MAGI1: variants seen among roughly 807,000 people sequenced by gnomAD.
MAGI1 encodes membrane associated guanylate kinase, WW and PDZ domain containing 1.
Under a neutral mutation model 139.9 loss-of-function variants are expected in MAGI1, and 58 were observed. The ratio of observed to expected loss-of-function variants is 0.41; its 90% CI spans 0.34 to 0.52. The LOEUF (loss-of-function observed/expected upper bound fraction) is 0.52, where lower values mean the gene tolerates loss of function less well. Among genes scored for constraint, MAGI1 ranks in the 20% least tolerant of loss-of-function variants. The pLI, the probability that MAGI1 is intolerant of heterozygous loss-of-function variation, is 0.12. For synonymous variants in MAGI1, 812 were observed against 737.9 expected (o/e 1.10, Z -1.63); for missense variants, 1,874 against 1,901.6 (o/e 0.99, Z 0.27).
chr3:65,407,643 T>G (rs1575638741), intron 12 of MAGI1, among the ~76,000 whole-genome samples: 1 of 152,190 alleles, frequency 6.6e-6, no homozygotes, highest in East Asian at 1.9e-4. Context: ...ATATATAAAC[T>G]CATTGTTAAA....
At chr3:65,871,417 C>T (rs566612640) in intron 1 of MAGI1, among the ~76,000 whole-genome samples, 3 of 152,252 alleles carry the variant, frequency 2.0e-5, no homozygotes, top group Non-Finnish European at 2.9e-5. Context: ...ATTGGGACAG[C>T]GTGACTGCAG....
intron 1 of MAGI1, among the ~76,000 whole-genome samples, chr3:66,019,665 A>C (rs1217079801): frequency 2.0e-5 from 3 of 152,226 alleles, no homozygotes; most frequent in Non-Finnish European, 4.4e-5. Flanking sequence ...ACAAGAGCTC[A>C]GGTAACAAAT....
Position 65,359,535 on chromosome 3 carries a change from C to T in MAGI1, c.3634+1664G>A, listed in dbSNP as rs539858208. On this transcript the variant is annotated intron_variant, in intron 22 of 22. Coordinates refer to ENST00000402939, the MANE Select transcript of MAGI1 (RefSeq NM_001033057.2). ...CCCTTCCCACCCCCACCAAAGACCG[C>T]GGCAGTTAAATTAAGTACAAAAAAC... 32 of 1,009,022 alleles carry T rather than the reference C, an allele frequency of 3.2e-5. No homozygotes were observed. The East Asian group carries it at 1.2e-3, about 39-fold the overall frequency. The allele number at this position is 1,009,022 out of a possible 1,614,324, so 62.5% of individuals were successfully genotyped here. A position where few individuals can be genotyped will look rare whatever the true frequency, so the allele number is the denominator to read the frequency against.
chr3:65,582,318 C>T (rs538506842), intron 2 of MAGI1, among the ~76,000 whole-genome samples: 3 of 152,310 alleles, frequency 2.0e-5, no homozygotes, highest in African/African-American at 4.8e-5. Context: ...TTCTACCCAG[C>T]ACATAGGAAG....
intron 2 of MAGI1, among the ~76,000 whole-genome samples, chr3:65,583,889 C>T (rs56371044): frequency 0.58 from 88,430 of 151,828 alleles, 27,961 homozygotes; most frequent in East Asian, 0.9. Flanking sequence ...GAAGATGAGA[C>T]TGTGACCTCT....
At chr3:65,431,458 C>A (rs1947443845) in intron 10 of MAGI1, among the ~76,000 whole-genome samples, 1 of 152,092 alleles carries the variant, frequency 6.6e-6, no homozygotes, top group Non-Finnish European at 1.5e-5. Context: ...GAATTGAATT[C>A]TAAATTCAAC....
At chr3:65,736,948 C>T (rs1012385709) in intron 1 of MAGI1, among the ~76,000 whole-genome samples, 31 of 152,182 alleles carry the variant, frequency 2.0e-4, no homozygotes, top group African/African-American at 6.8e-4. Context: ...ACCACAAACA[C>T]CTTTGTGCCC....
Position 65,792,620 on chromosome 3 carries a change from G to T in MAGI1, c.314-170532C>A, listed in dbSNP as rs141473789. Among the ~76,000 whole-genome samples the T allele has an allele frequency of 2.5e-3, 386 of 151,950 alleles. 3 individuals are homozygous for T. The highest frequency in any genetic ancestry group is 8.8e-3 in the African/African-American group (365 of 41,438). ...AGGATTCCTTGAACATAAGCACTAGGATACTGTCCCACCTGATCTGATCAG... is the reference window on the plus strand; with the variant it reads ...AGGATTCCTTGAACATAAGCACTAGTATACTGTCCCACCTGATCTGATCAG... On this transcript the variant is annotated intron_variant, in intron 1 of 22. Coordinates refer to ENST00000402939, the MANE Select transcript of MAGI1 (RefSeq NM_001033057.2).
At chr3:65,385,838 A>G (rs999562031) in intron 14 of MAGI1, among the ~76,000 whole-genome samples, 2 of 152,212 alleles carry the variant, frequency 1.3e-5, no homozygotes, top group Non-Finnish European at 2.9e-5. Context: ...TAAGGTAACA[A>G]TATTTTCTTT....
At chr3:65,479,112 T>C (rs1230995607) in intron 3 of MAGI1, among the ~76,000 whole-genome samples, 1 of 152,214 alleles carries the variant, frequency 6.6e-6, no homozygotes, top group East Asian at 1.9e-4. Context: ...GTCATCTTTT[T>C]ACATATATGC....
Position 65,569,979 on chromosome 3 carries a change from CT to C in MAGI1, c.430+51992del, listed in dbSNP as rs1190879693. On this transcript the variant is annotated intron_variant, in intron 2 of 22. Coordinates refer to ENST00000402939, the MANE Select transcript of MAGI1 (RefSeq NM_001033057.2). Reference sequence around the variant, plus strand: ...CTTAGATGGGACAAGGCAAGGAGGACTTTGCAACATTAGAAAGATGAGAGGT... The same window carrying C: ...CTTAGATGGGACAAGGCAAGGAGGACTTGCAACATTAGAAAGATGAGAGGT... Among the ~76,000 whole-genome samples, 16 of 151,572 alleles carry C rather than the reference CT, an allele frequency of 1.1e-4. 1 individual carries two copies. The South Asian group carries it at 3.1e-3, about 30-fold the overall frequency.
At chr3:65,815,680 C>T (rs1256625048) in intron 1 of MAGI1, among the ~76,000 whole-genome samples, 8 of 151,984 alleles carry the variant, frequency 5.3e-5, no homozygotes, top group African/African-American at 2.4e-5. Flanking sequence ...TTGTCATATA[C>T]ATTTGAAATA....
chr3:65,396,361 T>C (rs559090687), intron 13 of MAGI1, among the ~76,000 whole-genome samples: 1 of 152,338 alleles, frequency 6.6e-6, no homozygotes, highest in South Asian at 2.1e-4. Flanking sequence ...TTTGGCCACA[T>C]GTTGGCCATG....
intron 1 of MAGI1, among the ~76,000 whole-genome samples, chr3:65,780,288 T>C (rs2038825825): frequency 6.6e-6 from 1 of 152,204 alleles, no homozygotes; most frequent in African/African-American, 2.4e-5. Flanking sequence ...TCTCCCAAAG[T>C]GCTGGGATTA....
intron 1 of MAGI1, among the ~76,000 whole-genome samples, chr3:65,984,256 T>G (rs2065751690): frequency 1.3e-5 from 2 of 152,292 alleles, no homozygotes; most frequent in South Asian, 4.1e-4. Context: ...ATTGTGCCAT[T>G]GCACTCCAGC....
At chr3:65,772,160 C>T (rs768696998) in intron 1 of MAGI1, among the ~76,000 whole-genome samples, 17 of 152,096 alleles carry the variant, frequency 1.1e-4, no homozygotes, top group Non-Finnish European at 2.4e-4. Context: ...CATGCCACTG[C>T]ACTCCAGCTT....
rs558989908 is a variant in MAGI1 at position 65,703,591 on chromosome 3, G to A, written c.314-81503C>T. Among the ~76,000 whole-genome samples, 253 of 152,254 alleles carry A rather than the reference G, an allele frequency of 1.7e-3. 1 individual carries two copies. Among genetic ancestry groups the A allele is most frequent in the Middle Eastern group, 6.8e-3 (2 of 294 alleles). On this transcript the variant is annotated intron_variant, in intron 1 of 22. Coordinates refer to ENST00000402939, the MANE Select transcript of MAGI1 (RefSeq NM_001033057.2). ...GCTGCCTCTTGGACACTGCTACTTG[G>A]ATATCTTGCAGTCATCTCAGACTCA...
chr3:65,680,919 C>A (rs576929983), intron 1 of MAGI1, among the ~76,000 whole-genome samples: 3 of 152,094 alleles, frequency 2.0e-5, no homozygotes, highest in African/African-American at 7.2e-5. Flanking sequence ...TGTAATGGGA[C>A]GGAAAGATTC....
At chr3:65,540,281 T>G (rs1033289257) in intron 2 of MAGI1, among the ~76,000 whole-genome samples, 1 of 152,190 alleles carries the variant, frequency 6.6e-6, no homozygotes, top group African/African-American at 2.4e-5. Flanking sequence ...TAAAATTACA[T>G]CAAACCCCTT....
Sources: gnomAD v4.1 joint callset for allele counts (sites outside exome capture counted in the v4.1 genomes callset) on GRCh38, gnomAD v4.1.1 for gene constraint, MANE v1.5 for transcripts, NCBI Gene and HGNC (gene_info 2026-07-23, HGNC 2026-07-21) for gene names.